ASTN2: variants seen among roughly 807,000 people sequenced by gnomAD.
ASTN2 encodes astrotactin-2.
ASTN2 carries 54 observed loss-of-function variants against 139.8 expected under a neutral mutation model. The ratio of observed to expected loss-of-function variants is 0.39; its 90% CI spans 0.31 to 0.48. The LOEUF (loss-of-function observed/expected upper bound fraction) is 0.48, where lower values mean the gene tolerates loss of function less well. ASTN2 is among the 20% of genes least tolerant of loss of function. The pLI is 0.95. For missense variants in ASTN2, 1,565 were observed against 1,725.1 expected (o/e 0.91, Z 1.64); for synonymous variants, 756 against 719.5 (o/e 1.05, Z -0.81).
chr9:117,238,241 C>T (rs1236557383), intron 2 of ASTN2, among the ~76,000 whole-genome samples: 2 of 152,144 alleles, frequency 1.3e-5, no homozygotes, highest in African/African-American at 2.4e-5. Flanking sequence ...TCTTTAGGTC[C>T]TTTGGTTTAG....
intron 10 of ASTN2, among the ~76,000 whole-genome samples, chr9:116,967,778 C>A (rs1347277064): frequency 6.6e-6 from 1 of 152,192 alleles, no homozygotes; most frequent in African/African-American, 2.4e-5. Context: ...TGCCCCCATG[C>A]AATTCATCGA....
At chr9:116,872,139 T>C (rs897205522) in intron 10 of ASTN2, among the ~76,000 whole-genome samples, 8 of 152,256 alleles carry the variant, frequency 5.3e-5, no homozygotes, top group Admixed American at 2.0e-4. Context: ...AATTTTTGTA[T>C]TTTTAGTAGA....
At chr9:116,728,869 G>T in intron 15 of ASTN2, 123 bp downstream of exon 15, 1 of 763,870 alleles carries the variant, frequency 1.3e-6, no homozygotes, top group Non-Finnish European at 2.1e-6. Context: ...TGATGGCAGA[G>T]AGGATGCATC....
chr9:116,613,646 G>C (rs1357749989), intron 19 of ASTN2: 2 of 152,228 alleles, frequency 1.3e-5, no homozygotes, highest in African/African-American at 4.8e-5. Context: ...CTCAATAGCT[G>C]CAGAAAAGGC....
chr9:116,587,232 T>C (rs1324305923), intron 19 of ASTN2, among the ~76,000 whole-genome samples: 1 of 151,426 alleles, frequency 6.6e-6, no homozygotes, highest in East Asian at 1.9e-4. Flanking sequence ...TCCCAGCTAC[T>C]TGGGAGGCTG....
intron 16 of ASTN2, among the ~76,000 whole-genome samples, chr9:116,663,599 C>G (rs570638190): frequency 6.6e-6 from 1 of 152,176 alleles, no homozygotes; most frequent in South Asian, 2.1e-4. Flanking sequence ...TGCGGTGTAA[C>G]TCTGCTGCTA....
chr9:116,620,764 A>G (rs1422179251), intron 17 of ASTN2, among the ~76,000 whole-genome samples: 1 of 151,984 alleles, frequency 6.6e-6, no homozygotes, highest in Non-Finnish European at 1.5e-5. Flanking sequence ...TTATTATTAT[A>G]ATTTCCCATT....
At position 117,414,774 on chromosome 9, in the gene ASTN2, G is replaced by GGCA; in HGVS notation, c.162_164dup (p.Ala55dup). The GGCA allele has an allele frequency of 7.9e-7, 1 of 1,262,866 alleles. No individual in the cohort carries two copies. The highest frequency in any genetic ancestry group is 1.0e-6 in the Non-Finnish European group (1 of 1,002,698). 78.2% of individuals were successfully genotyped at this position (1,262,866 alleles called of 1,614,324 possible). ...GGCACGGGCTGTCGGGCTCCCGCGAGGCAGCGGCGGTGGCGCCGGCCAGCA... is the reference window on the plus strand; with the variant it reads ...GGCACGGGCTGTCGGGCTCCCGCGAGGCAGCAGCGGCGGTGGCGCCGGCCAGCA... On this transcript the variant is annotated inframe_insertion, in exon 1 of 23. Coordinates refer to ENST00000313400, the MANE Select transcript of ASTN2 (RefSeq NM_001365068.1). This position sits in a 1 kb window ranked among gnomAD's most constrained non-coding sequence, Gnocchi z 4.2.
chr9:116,766,116 T>C (rs978986296), intron 13 of ASTN2, among the ~76,000 whole-genome samples: 2 of 152,126 alleles, frequency 1.3e-5, no homozygotes, highest in Non-Finnish European at 2.9e-5. Flanking sequence ...TGGTCACTGG[T>C]AATAGTTATT....
chr9:117,149,456 C>G (rs4838245), intron 3 of ASTN2, among the ~76,000 whole-genome samples: 150,165 of 152,276 alleles, frequency 0.99, 74,078 homozygotes, highest in Non-Finnish European at 1. Flanking sequence ...TGTATGTGTT[C>G]ATGTCTTCTT....
chr9:117,097,237 G>C (rs1369264020), intron 4 of ASTN2, among the ~76,000 whole-genome samples: 4 of 152,116 alleles, frequency 2.6e-5, no homozygotes, highest in African/African-American at 9.7e-5. Flanking sequence ...AGTGTGGAGG[G>C]AAAAGGGTAA....
At chr9:116,706,241 C>T (rs1454908461) in intron 16 of ASTN2, among the ~76,000 whole-genome samples, 1 of 152,140 alleles carries the variant, frequency 6.6e-6, no homozygotes, top group African/African-American at 2.4e-5. Context: ...AAATTTTTCT[C>T]CCCTCAGAAG....
At chr9:116,860,452 G>A (rs983917846) in intron 11 of ASTN2, among the ~76,000 whole-genome samples, 2 of 151,996 alleles carry the variant, frequency 1.3e-5, no homozygotes, top group African/African-American at 2.4e-5. Context: ...TTTTGTTTTT[G>A]TTTTTAGAAA....
chr9:117,003,953 C>CGTGTGTGT (rs3038371), intron 7 of ASTN2, among the ~76,000 whole-genome samples: 57 of 146,286 alleles, frequency 3.9e-4, no homozygotes, highest in African/African-American at 1.4e-3. Context: ...CGCGCGCGCG[C>CGTGTGTGT]GTGTGTGTGT....
At chr9:116,600,323 C>CAAAAAAA (rs35224783) in intron 19 of ASTN2, among the ~76,000 whole-genome samples, 19 of 118,976 alleles carry the variant, frequency 1.6e-4, no homozygotes, top group Non-Finnish European at 2.6e-4. Context: ...GACCCTGTCT[C>CAAAAAAA]AAAAAAAAAA....
chr9:117,119,584 G>T (rs1226965943), intron 4 of ASTN2, among the ~76,000 whole-genome samples: 1 of 152,184 alleles, frequency 6.6e-6, no homozygotes, highest in Non-Finnish European at 1.5e-5. Context: ...AAGAACACAT[G>T]CAATGATTGG....
Position 116,697,365 on chromosome 9 carries a change from T to C in ASTN2, c.2806+28406A>G, listed in dbSNP as rs1588214182. On this transcript the variant is annotated intron_variant, in intron 16 of 22. Transcript: ENST00000313400. ...AAGGCAGACACCATTATTACTTCTATTTTACAGATGAGTGATGGGGAAAGA... is the reference window on the plus strand; with the variant it reads ...AAGGCAGACACCATTATTACTTCTACTTTACAGATGAGTGATGGGGAAAGA... 2.5e-5 allele frequency: 7 copies of C among 283,962 alleles called. No individual in the cohort carries two copies. The East Asian group carries it at 5.7e-4, about 23-fold the overall frequency. The allele number at this position is 283,962 out of a possible 1,614,324, so 17.6% of individuals were successfully genotyped here. A position where few individuals can be genotyped will look rare whatever the true frequency, so the allele number is the denominator to read the frequency against.
chr9:117,087,674 T>C (rs960914095), intron 5 of ASTN2, among the ~76,000 whole-genome samples: 26 of 152,220 alleles, frequency 1.7e-4, no homozygotes, highest in African/African-American at 6.0e-4. Context: ...AAGCATTTCC[T>C]CTGCTTATGT....
intron 1 of ASTN2, among the ~76,000 whole-genome samples, chr9:117,329,461 A>C (rs772879299): frequency 9.2e-5 from 14 of 152,044 alleles, no homozygotes; most frequent in Non-Finnish European, 1.9e-4. Flanking sequence ...GGGAGAGGAG[A>C]GGGAATGGTC....
Sources: allele counts gnomAD v4.1 joint callset (sites outside exome capture counted in the v4.1 genomes callset), GRCh38; gene constraint gnomAD v4.1.1; non-coding constraint Gnocchi (gnomAD v3.1); transcripts MANE v1.5; gene names NCBI Gene and HGNC (gene_info 2026-07-23, HGNC 2026-07-21).